The following LYST variants were observed in gnomAD, a reference collection of about 807,000 sequenced individuals.
The protein encoded by LYST is lysosomal trafficking regulator, also known as lysosomal-trafficking regulator.
LYST carries 192 observed loss-of-function variants against 413.6 expected under a neutral mutation model. That is an observed-to-expected ratio of 0.46 (90% CI 0.41 to 0.52). LYST has a LOEUF of 0.52. LYST is among the 20% of genes least tolerant of loss of function. The pLI, the probability that LYST is intolerant of heterozygous loss-of-function variation, is 0.00. For missense variants in LYST, 3,815 were observed against 4,499.9 expected (o/e 0.85, Z 4.35); for synonymous variants, 1,525 against 1,567.3 (o/e 0.97, Z 0.64).
intron 25 of LYST, among the ~76,000 whole-genome samples, chr1:235,753,547 C>T (rs372506770): frequency 1.4e-4 from 21 of 152,204 alleles, no homozygotes; most frequent in African/African-American, 5.1e-4. Flanking sequence ...TTAATTCATC[C>T]ATGAGCCCTT....
chr1:235,748,725 C>A (rs1078859), intron 28 of LYST, among the ~76,000 whole-genome samples: 41,431 of 152,038 alleles, frequency 0.27, 7,445 homozygotes, highest in East Asian at 0.75. Context: ...ATTAATCTGA[C>A]AATAAAATGG....
At chr1:235,689,272 C>T (rs1479178026) in intron 47 of LYST, among the ~76,000 whole-genome samples, 1 of 152,004 alleles carries the variant, frequency 6.6e-6, no homozygotes, top group Non-Finnish European at 1.5e-5. Context: ...AATAATTTTG[C>T]AATGTTTAAA....
At position 235,686,843 on chromosome 1, in the gene LYST, T is replaced by C; in HGVS notation, c.10800+106A>G. Reference sequence around the variant, plus strand: ...CTAATGTAGGGAGAAGATTAAGGTATAAACATTTTAAGTTAATCTTATGCA... The same window carrying C: ...CTAATGTAGGGAGAAGATTAAGGTACAAACATTTTAAGTTAATCTTATGCA... On this transcript the variant is annotated intron_variant, in intron 48 of 52. Transcript: ENST00000389793. This position sits in a 1 kb window ranked among gnomAD's most constrained non-coding sequence, Gnocchi z 4.0. 1.2e-6 allele frequency: 1 copy of C among 863,544 alleles called. No homozygotes were observed. 53.5% of individuals were successfully genotyped at this position (863,544 alleles called of 1,614,324 possible). A position where few individuals can be genotyped will look rare whatever the true frequency, so the allele number is the denominator to read the frequency against.
At chr1:235,691,214 G>A (rs180714426) in intron 47 of LYST, among the ~76,000 whole-genome samples, 3 of 152,168 alleles carry the variant, frequency 2.0e-5, no homozygotes, top group Admixed American at 1.3e-4. Flanking sequence ...CACCGCGCCT[G>A]GCTACAGTTT....
intron 28 of LYST, among the ~76,000 whole-genome samples, chr1:235,747,886 C>T (rs986891023): frequency 3.9e-5 from 6 of 152,194 alleles, no homozygotes; most frequent in East Asian, 1.9e-4. Flanking sequence ...CTTACTTCAC[C>T]GGTAGATATT....
At chr1:235,801,177 T>A in intron 8 of LYST, 80 bp from the exon 9 acceptor site, 1 of 945,656 alleles carries the variant, frequency 1.1e-6, no homozygotes, top group South Asian at 1.3e-5. Context: ...TTAGAAGATC[T>A]AGTGGCAAAA....
intron 4 of LYST, among the ~76,000 whole-genome samples, chr1:235,811,100 G>A (rs1482934203): frequency 2.0e-5 from 3 of 152,178 alleles, no homozygotes; most frequent in South Asian, 2.1e-4. Flanking sequence ...AGATGAGATC[G>A]TGCCACTGCA....
chr1:235,855,703 AAAGATTCTGCAAAATAAGTTTTAG>A (rs575764162), intron 1 of LYST, among the ~76,000 whole-genome samples: 3,284 of 152,222 alleles, frequency 0.022, 118 homozygotes, highest in African/African-American at 0.075. Flanking sequence ...GCATAAGGTT[AAAGATTCTGCAAAATAAGTTTTAG>A]AAGATTCTGC....
At chr1:235,677,034 C>T (rs1463728114) in intron 50 of LYST, 57 bp downstream of exon 50, 1 of 1,265,080 alleles carries the variant, frequency 7.9e-7, no homozygotes, top group Non-Finnish European at 1.2e-6. Flanking sequence ...TAACCACTGG[C>T]CGAATGCGCT....
chr1:235,875,445 T>G (rs1030690207), intron 1 of LYST, among the ~76,000 whole-genome samples: 1 of 152,164 alleles, frequency 6.6e-6, no homozygotes, highest in African/African-American at 2.4e-5. Flanking sequence ...GATTAAGCAT[T>G]TCATAACTAT....
intron 17 of LYST, among the ~76,000 whole-genome samples, chr1:235,776,703 A>T (rs998266920): frequency 4.0e-5 from 6 of 150,200 alleles, no homozygotes; most frequent in East Asian, 1.9e-4. Flanking sequence ...TTTTTTTTTT[A>T]AAGTATTTTT....
At chr1:235,707,531 GA>G (rs1662086365) in intron 44 of LYST, among the ~76,000 whole-genome samples, 1 of 152,122 alleles carries the variant, frequency 6.6e-6, no homozygotes, top group African/African-American at 2.4e-5. Flanking sequence ...GCTGAGGCAG[GA>G]GAATTGCTTG....
intron 1 of LYST, among the ~76,000 whole-genome samples, chr1:235,872,689 C>T (rs1368592306): frequency 6.6e-6 from 1 of 151,966 alleles, no homozygotes; most frequent in African/African-American, 2.4e-5. Flanking sequence ...GAGAGGTGGG[C>T]AGTTCACTTG....
chr1:235,730,915 C>T lies in LYST; in HGVS notation c.8976G>A (p.Leu2992=). 1.2e-6 allele frequency: 2 copies of T among 1,613,552 alleles called. No homozygotes were observed. The highest frequency in any genetic ancestry group is 2.2e-5 in the South Asian group (2 of 91,068). The change falls in exon 36 of 53, where the codon CTG becomes CTA. Residue 2992 remains leucine (L), a synonymous_variant. Coordinates refer to ENST00000389793, the MANE Select transcript of LYST (RefSeq NM_000081.4). ...EDVVKPPLSY[L]FEDKTHSSFS... ...AAGAAGAATGAGTTTTGTCTTCAAA[C>T]AGGTAAGAGAGTGGTGGTTTGACAA...
intron 3 of LYST, among the ~76,000 whole-genome samples, chr1:235,818,021 A>T: frequency 6.7e-6 from 1 of 150,300 alleles, no homozygotes; most frequent in Admixed American, 6.6e-5. Flanking sequence ...TTATACACAC[A>T]TGTCAATTTT....
At chr1:235,713,918 A>G (rs1408494107) in intron 42 of LYST, among the ~76,000 whole-genome samples, 1 of 152,234 alleles carries the variant, frequency 6.6e-6, no homozygotes, top group Non-Finnish European at 1.5e-5. Context: ...TCATAATAGT[A>G]ACATGAATAA....
At chr1:235,695,167 A>T (rs1255211683) in intron 46 of LYST, among the ~76,000 whole-genome samples, 4 of 152,254 alleles carry the variant, frequency 2.6e-5, no homozygotes, top group African/African-American at 9.6e-5. Context: ...AAGCACTTAG[A>T]ATGAACCAGG....
chr1:235,720,569 G>T, intron 40 of LYST, 92 bp downstream of exon 40: 1 of 1,220,914 alleles, frequency 8.2e-7, no homozygotes, highest in Non-Finnish European at 1.2e-6. Flanking sequence ...TCTATTTTGT[G>T]CATGTTTGAA....
Position 235,677,526 on chromosome 1 carries a change from T to G in LYST, c.10894A>C (p.Ile3632Leu), listed in dbSNP as rs1227661865. Residue 3632 changes from isoleucine (I) to leucine (L), a missense_variant, in exon 49 of 53, where the codon ATA becomes CTA. Physicochemically the swap from Ile to Leu is conservative, Grantham distance 5. Transcript: ENST00000389793. ...CAGGTTCCGTCTCTGCTCACACTTA[T>G]CAGTATACTGTATGGTTTGCAAACA... ...LFVCKPYSIL[I>L]SVSRDGTCII... The G allele has an allele frequency of 6.2e-7, 1 of 1,613,494 alleles. No individual in the cohort carries two copies. Among genetic ancestry groups the G allele is most frequent in the Non-Finnish European group, 8.5e-7 (1 of 1,179,604 alleles).
Sources: gnomAD v4.1 joint callset for allele counts (sites outside exome capture counted in the v4.1 genomes callset) on GRCh38, gnomAD v4.1.1 for gene constraint, Gnocchi (gnomAD v3.1) non-coding constraint, MANE v1.5 for transcripts, NCBI Gene and HGNC (gene_info 2026-07-23, HGNC 2026-07-21) for gene names.